The following PSMD6 variants were observed in gnomAD, a reference collection of about 807,000 sequenced individuals.
PSMD6 encodes proteasome 26S subunit, non-ATPase 6.
Under a neutral mutation model 44.9 loss-of-function variants are expected in PSMD6, and 7 were observed. The observed-to-expected ratio is 0.16, with a 90% CI of 0.09 to 0.29. The LOEUF (loss-of-function observed/expected upper bound fraction) is 0.29. PSMD6 is among the 10% of genes least tolerant of loss of function. The pLI is 1.00. For synonymous variants in PSMD6, 184 were observed against 172.7 expected, an observed-to-expected ratio of 1.07 and a Z score of -0.51; for missense variants, 420 against 482.6, an observed-to-expected ratio of 0.87 and a Z score of 1.21.
chr3:64,017,400 AT>A, intron 5 of PSMD6: 1 of 152,028 alleles, frequency 6.6e-6, no homozygotes, highest in Non-Finnish European at 1.5e-5. Context: ...GGCTCCCTCA[AT>A]TTTTTTGAAG....
At chr3:64,016,361 G>A (rs1306235619) in intron 5 of PSMD6, 1 of 151,604 alleles carries the variant, frequency 6.6e-6, no homozygotes, top group African/African-American at 2.4e-5. Flanking sequence ...ATATAGTCAG[G>A]TACTACCTAG....
chr3:64,011,417 G>A (rs1453151253), intron 6 of PSMD6: 1 of 152,298 alleles, frequency 6.6e-6, no homozygotes, highest in East Asian at 1.9e-4. Flanking sequence ...CTAAACAAGT[G>A]GAAGGGAAGG....
Position 64,019,031 on chromosome 3 carries a change from T to C in PSMD6, c.504A>G (p.Ile168Met), listed in dbSNP as rs2106866395. ...TCCTGTCCCAGTCTCCTCCTTCTTC[T>C]ATTAAGCTATGAAATAAAAACAGTA... ...TRNTEKAKSLIEEGGDWDRRN... is the reference protein window; with the variant it reads ...TRNTEKAKSLMEEGGDWDRRN... The change falls in exon 4 of 8, where the codon ATA becomes ATG. Residue 168 changes from isoleucine (I) to methionine (M), a missense_variant. This residue lies in a region of PSMD6 where 216 missense variants were observed against 227.0 expected (regional missense o/e 0.95). Transcript: ENST00000295901. 3 of 1,597,652 alleles carry C rather than the reference T, an allele frequency of 1.9e-6. No homozygotes were observed. Among genetic ancestry groups the C allele is most frequent in the Non-Finnish European group, 2.6e-6 (3 of 1,165,142 alleles).
At chr3:64,019,273 A>G (rs2076094154) in intron 3 of PSMD6, 23 bp downstream of exon 3, 2 of 1,549,996 alleles carry the variant, frequency 1.3e-6, no homozygotes, top group Non-Finnish European at 1.8e-6. Flanking sequence ...TAGAGAAAAT[A>G]TAATCCCACC....
chr3:64,015,281 C>T (rs1339721251), intron 5 of PSMD6: 1 of 152,166 alleles, frequency 6.6e-6, no homozygotes, highest in Non-Finnish European at 1.5e-5. Flanking sequence ...GTGGTCAAGA[C>T]ACAATATATT....
intron 2 of PSMD6, among the ~76,000 whole-genome samples, chr3:64,021,530 CG>C (rs2076131736): frequency 6.6e-6 from 1 of 152,012 alleles, no homozygotes; most frequent in Non-Finnish European, 1.5e-5. Context: ...ATTTTATGAC[CG>C]GGTGCACTGG....
At chr3:64,013,874 C>CA (rs2076002324) in intron 5 of PSMD6, 3 of 308,972 alleles carry the variant, frequency 9.7e-6, no homozygotes, top group Non-Finnish European at 1.8e-5. Flanking sequence ...TCATAGATGA[C>CA]AAAGTTCACG....
chr3:64,020,678 T>C (rs1292954927), intron 2 of PSMD6, among the ~76,000 whole-genome samples: 2 of 152,206 alleles, frequency 1.3e-5, no homozygotes, highest in African/African-American at 4.8e-5. Context: ...AAACAACATT[T>C]AGGCACTTAC....
chr3:64,012,816 C>G (rs1317517820), intron 6 of PSMD6: 1 of 152,196 alleles, frequency 6.6e-6, no homozygotes. Flanking sequence ...GCATGCCGTA[C>G]GTAAGGATAG....
At chr3:64,017,676 T>A (rs2076068945) in intron 5 of PSMD6, 1 of 152,194 alleles carries the variant, frequency 6.6e-6, no homozygotes, top group Non-Finnish European at 1.5e-5. Flanking sequence ...ATACTATGAA[T>A]TCTCATAAAG....
intron 3 of PSMD6, 72 bp from the exon 4 acceptor site, chr3:64,019,109 T>C (rs1342893008): frequency 1.4e-6 from 2 of 1,460,934 alleles, no homozygotes; most frequent in Non-Finnish European, 1.9e-6. Context: ...TGTCTGTTAT[T>C]TGAAATGAGA....
Position 64,010,910 on chromosome 3 carries a change from T to A in PSMD6, c.1041A>T (p.Ile347=). ...TTTCTACTATTTCATTCACTTTATCTATTTTGCAGTGTAGTCTCCCGGCAG... is the reference window on the plus strand; with the variant it reads ...TTTCTACTATTTCATTCACTTTATCAATTTTGCAGTGTAGTCTCCCGGCAG... ...FIAAGRLHCK[I]DKVNEIVETN... The change falls in exon 7 of 8, where the codon ATA becomes ATT. Residue 347 remains isoleucine, a synonymous_variant. Coordinates refer to ENST00000295901, the MANE Select transcript of PSMD6 (RefSeq NM_014814.3). 18 of 1,611,166 alleles carry A rather than the reference T, an allele frequency of 1.1e-5. No individual in the cohort carries two copies. Among genetic ancestry groups the A allele is most frequent in the Non-Finnish European group, 1.5e-5 (18 of 1,178,206 alleles).
rs1397661101 is a variant in PSMD6, at chr3:64,011,623, C to CTCAAGCTGGTCTTAGA, written c.996-684_996-669dup. On this transcript the variant is annotated intron_variant, in intron 6 of 7. Transcript: ENST00000295901. ...GAGCTCAGTGGTACAACCTTTGCCT[C>CTCAAGCTGGTCTTAGA]TCAAGCTGGTCTTAGAACATGAAGG... 2.0e-5 allele frequency: 3 copies of CTCAAGCTGGTCTTAGA among 151,106 alleles called. No homozygotes were observed. In the East Asian group the frequency reaches 5.8e-4, roughly 29 times the overall value. The allele number at this position is 151,106 out of a possible 1,614,324, so 9.4% of individuals were successfully genotyped here.
At position 64,019,056 on chromosome 3, in the gene PSMD6, A is replaced by C. The variant is rs1377875247; in HGVS notation, c.498-19T>G. Reference sequence around the variant, plus strand: ...TATTAAGCTATGAAATAAAAACAGTAAGATCATAGTCTGGAAACAGACAAG... The same window carrying C: ...TATTAAGCTATGAAATAAAAACAGTCAGATCATAGTCTGGAAACAGACAAG... On this transcript the variant is annotated intron_variant, in intron 3 of 7. Coordinates refer to ENST00000295901, the MANE Select transcript of PSMD6 (RefSeq NM_014814.3). The C allele has an allele frequency of 6.5e-5, 102 of 1,572,240 alleles. No individual in the cohort carries two copies. Among genetic ancestry groups the C allele is most frequent in the Non-Finnish European group, 8.7e-5 (100 of 1,143,002 alleles).
intron 2 of PSMD6, among the ~76,000 whole-genome samples, chr3:64,021,219 C>A (rs887170159): frequency 6.6e-6 from 1 of 152,144 alleles, no homozygotes; most frequent in Non-Finnish European, 1.5e-5. Flanking sequence ...GAAAACAACA[C>A]ATATGTCCAA....
At chr3:64,020,829 A>C (rs1487449082) in intron 2 of PSMD6, among the ~76,000 whole-genome samples, 1 of 152,314 alleles carries the variant, frequency 6.6e-6, no homozygotes, top group East Asian at 1.9e-4. Context: ...AACCCAGACA[A>C]TCTGATTCAA....
At chr3:64,012,207 T>A (rs916318347) in intron 6 of PSMD6, 1 of 152,104 alleles carries the variant, frequency 6.6e-6, no homozygotes, top group African/African-American at 2.4e-5. Context: ...TGTTCGAAAT[T>A]TAAAAAATAC....
intron 2 of PSMD6, among the ~76,000 whole-genome samples, chr3:64,020,934 C>A (rs1295589130): frequency 6.6e-6 from 1 of 152,110 alleles, no homozygotes; most frequent in Non-Finnish European, 1.5e-5. Flanking sequence ...ACATTCAAAG[C>A]CCATTTTCTT....
chr3:64,021,592 TGAG>T (rs1158939718), intron 2 of PSMD6, among the ~76,000 whole-genome samples: 4 of 152,200 alleles, frequency 2.6e-5, no homozygotes, highest in African/African-American at 9.7e-5. Context: ...GTGGATCACC[TGAG>T]GTCAGGAGTT....
Sources: gnomAD v4.1 joint callset for allele counts (sites outside exome capture counted in the v4.1 genomes callset) on GRCh38, gnomAD v4.1.1 for gene constraint, gnomAD v4.1.1 regional missense constraint, MANE v1.5 for transcripts, NCBI Gene and HGNC (gene_info 2026-07-23, HGNC 2026-07-21) for gene names.